The following MYO1E variants were observed in gnomAD, a reference collection of about 807,000 sequenced individuals.
The protein encoded by MYO1E is unconventional myosin-Ie.
In MYO1E, 68 loss-of-function variants were observed where a neutral mutation model predicts 151.1. The ratio of observed to expected loss-of-function variants is 0.45; its 90% CI spans 0.37 to 0.55. The LOEUF (loss-of-function observed/expected upper bound fraction) is 0.55. Among genes scored for constraint, MYO1E ranks in the 20% least tolerant of loss-of-function variants. The probability of loss-of-function intolerance (pLI) is 0.00; values close to 1 mark genes in which losing one functional copy is unlikely to be tolerated. For synonymous variants in MYO1E, 601 were observed against 501.7 expected (o/e 1.20, Z -2.64); for missense variants, 1,363 against 1,389.3 (o/e 0.98, Z 0.30).
At chr15:59,239,489 G>A (rs1419767355) in intron 4 of MYO1E, among the ~76,000 whole-genome samples, 1 of 151,670 alleles carries the variant, frequency 6.6e-6, no homozygotes, top group Admixed American at 6.6e-5. Context: ...TATATATAAA[G>A]GGGAATTTAT....
chr15:59,151,054 C>T (rs1195186571), intron 26 of MYO1E, among the ~76,000 whole-genome samples: 10 of 144,022 alleles, frequency 6.9e-5, no homozygotes, highest in Admixed American at 3.4e-4. Context: ...CACACACGCG[C>T]GCGCGCGCAC....
chr15:59,271,814 GA>G (rs1348236529), intron 2 of MYO1E, among the ~76,000 whole-genome samples: 2 of 152,224 alleles, frequency 1.3e-5, no homozygotes, highest in Non-Finnish European at 2.9e-5. Flanking sequence ...ATTATTGATA[GA>G]ACTCTTTGCA....
At position 59,161,485 on chromosome 15, in the gene MYO1E, G is replaced by C. The variant is rs7165647; in HGVS notation, c.2628-255C>G. ...ACCAGGTGGTGAGGGAGGTACATCTGGCTAATGTGCCAGTGCCACTCTGTC... is the reference window on the plus strand; with the variant it reads ...ACCAGGTGGTGAGGGAGGTACATCTCGCTAATGTGCCAGTGCCACTCTGTC... On this transcript the variant is annotated intron_variant, in intron 23 of 27. Coordinates refer to ENST00000288235, the MANE Select transcript of MYO1E (RefSeq NM_004998.4). Among the ~76,000 whole-genome samples, 14,898 of 152,180 alleles carry C rather than the reference G, an allele frequency of 0.098. 1,413 individuals are homozygous for C. The highest frequency in any genetic ancestry group is 0.24 in the African/African-American group (10,115 of 41,496).
intron 5 of MYO1E, among the ~76,000 whole-genome samples, chr15:59,235,894 T>A (rs2080059603): frequency 6.6e-6 from 1 of 152,222 alleles, no homozygotes; most frequent in African/African-American, 2.4e-5. Context: ...CTAATGCAGT[T>A]TTAATTTGCA....
chr15:59,220,557 T>A (rs2079948180), intron 9 of MYO1E, among the ~76,000 whole-genome samples: 1 of 152,210 alleles, frequency 6.6e-6, no homozygotes, highest in South Asian at 2.1e-4. Context: ...TTTCCATTTT[T>A]TTTCTGCACT....
intron 19 of MYO1E, 74 bp downstream of exon 19, chr15:59,178,319 C>A: frequency 6.4e-7 from 1 of 1,565,598 alleles, no homozygotes; most frequent in South Asian, 1.1e-5. Context: ...AAAAAGAAGC[C>A]AGCTGAGGGG....
At chr15:59,299,604 A>G (rs1291840696) in intron 1 of MYO1E, among the ~76,000 whole-genome samples, 1 of 152,252 alleles carries the variant, frequency 6.6e-6, no homozygotes, top group Non-Finnish European at 1.5e-5. Flanking sequence ...CAATTCTTTC[A>G]TCTTCTAAAA....
At chr15:59,235,730 GT>G (rs1413833064) in intron 5 of MYO1E, among the ~76,000 whole-genome samples, 4 of 152,308 alleles carry the variant, frequency 2.6e-5, no homozygotes, top group East Asian at 3.9e-4. Context: ...ACATGTGTAA[GT>G]TTAACAGATT....
intron 13 of MYO1E, among the ~76,000 whole-genome samples, chr15:59,209,167 A>G (rs1247869712): frequency 6.6e-6 from 1 of 152,082 alleles, no homozygotes; most frequent in Non-Finnish European, 1.5e-5. Context: ...AAGTAAAAAC[A>G]TTTTCCTTTG....
intron 26 of MYO1E, among the ~76,000 whole-genome samples, chr15:59,142,133 T>A (rs2140300380): frequency 6.6e-6 from 1 of 151,810 alleles, no homozygotes. Flanking sequence ...TTTTTTTAAG[T>A]CTGTACATGT....
intron 4 of MYO1E, among the ~76,000 whole-genome samples, chr15:59,238,887 T>C (rs1049160939): frequency 1.4e-4 from 22 of 151,916 alleles, no homozygotes; most frequent in Non-Finnish European, 1.6e-4. Context: ...CCTTTTCATG[T>C]GCTTTCTCAT....
chr15:59,316,931 T>C (rs1430261374), intron 1 of MYO1E, among the ~76,000 whole-genome samples: 3 of 152,194 alleles, frequency 2.0e-5, no homozygotes, highest in Admixed American at 2.0e-4. Flanking sequence ...TAACTTCCCA[T>C]GGTCTTATCA....
At position 59,366,446 on chromosome 15, in the gene MYO1E, C is replaced by T. The variant is rs545601697; in HGVS notation, c.3+6052G>A. Among the ~76,000 whole-genome samples the T allele has an allele frequency of 3.3e-5, 5 of 152,184 alleles. No homozygotes were observed. The East Asian group carries it at 7.7e-4, about 23-fold the overall frequency. On this transcript the variant is annotated intron_variant, in intron 1 of 27. Coordinates refer to ENST00000288235, the MANE Select transcript of MYO1E (RefSeq NM_004998.4). ...TGGGACTATAGTGCATGACACCACA[C>T]GTGGCTAATTTTTAAAATTTTTTTT... is the stretch of plus-strand genomic sequence containing the variant.
intron 1 of MYO1E, among the ~76,000 whole-genome samples, chr15:59,320,450 C>T (rs1481025501): frequency 1.3e-5 from 2 of 152,172 alleles, no homozygotes; most frequent in Non-Finnish European, 2.9e-5. Context: ...ACCAAAACAG[C>T]ATGGTACTAG....
chr15:59,211,046 A>G (rs1460798191), intron 12 of MYO1E, among the ~76,000 whole-genome samples: 1 of 152,068 alleles, frequency 6.6e-6, no homozygotes, highest in Admixed American at 6.5e-5. Context: ...CTAAAAATAC[A>G]AAAAGAAGCT....
intron 4 of MYO1E, among the ~76,000 whole-genome samples, chr15:59,247,619 G>A (rs1397010233): frequency 1.3e-5 from 2 of 152,212 alleles, no homozygotes; most frequent in Non-Finnish European, 2.9e-5. Flanking sequence ...CTAACAGCAA[G>A]AGGTGACCTG....
At chr15:59,185,816 G>A (rs1328102970) in intron 18 of MYO1E, among the ~76,000 whole-genome samples, 1 of 152,208 alleles carries the variant, frequency 6.6e-6, no homozygotes, top group African/African-American at 2.4e-5. Context: ...ATACGCTTTT[G>A]GATGTCACAA....
At chr15:59,206,771 G>C (rs533086973) in intron 14 of MYO1E, 2 of 626,848 alleles carry the variant, frequency 3.2e-6, no homozygotes, top group Non-Finnish European at 5.5e-6. Flanking sequence ...CGGAAAGCAC[G>C]TGTCGGAGAC....
chr15:59,225,174 G>A (rs1416824365), intron 7 of MYO1E, among the ~76,000 whole-genome samples: 1 of 152,152 alleles, frequency 6.6e-6, no homozygotes, highest in Non-Finnish European at 1.5e-5. Flanking sequence ...ACTGCAGGGT[G>A]CATGTTAAAA....
Sources: allele counts gnomAD v4.1 joint callset (sites outside exome capture counted in the v4.1 genomes callset), GRCh38; gene constraint gnomAD v4.1.1; transcripts MANE v1.5; gene names NCBI Gene and HGNC (gene_info 2026-07-23, HGNC 2026-07-21).